CYFIP1: variants seen among roughly 807,000 people sequenced by gnomAD.
CYFIP1 encodes cytoplasmic FMR1 interacting protein 1, also known as cytoplasmic FMR1-interacting protein 1.
In CYFIP1, 58 loss-of-function variants were observed where a neutral mutation model predicts 163.5. The ratio of observed to expected loss-of-function variants is 0.35; its 90% confidence interval spans 0.29 to 0.44. CYFIP1 has a LOEUF of 0.44. Among genes scored for constraint, CYFIP1 ranks in the 20% least tolerant of loss-of-function variants. The pLI is 1.00. For synonymous variants in CYFIP1, 663 were observed against 660.7 expected, an observed-to-expected ratio of 1.00 and a Z score of -0.05; for missense variants, 1,338 against 1,653.8, an observed-to-expected ratio of 0.81 and a Z score of 3.31.
At chr15:22,881,420 C>T (rs765556687) in intron 25 of CYFIP1, among the ~76,000 whole-genome samples, 49 of 152,294 alleles carry the variant, frequency 3.2e-4, no homozygotes, top group South Asian at 6.2e-4. Flanking sequence ...GTGGGCCTGT[C>T]CCTAAGAGCA....
At chr15:22,952,608 T>G (rs1249057716) in intron 1 of CYFIP1, among the ~76,000 whole-genome samples, 6 of 121,532 alleles carry the variant, frequency 4.9e-5, no homozygotes, top group South Asian at 5.6e-4. Context: ...TGAGCTGAGA[T>G]CGCACCACTG....
intron 22 of CYFIP1, among the ~76,000 whole-genome samples, chr15:22,894,922 C>T (rs1310729252): frequency 7.1e-6 from 1 of 141,512 alleles, no homozygotes; most frequent in African/African-American, 2.6e-5. Flanking sequence ...GTGGTGTGAT[C>T]TTGACTAACT....
At chr15:22,935,135 A>G (rs1403836346) in intron 9 of CYFIP1, among the ~76,000 whole-genome samples, 6 of 152,216 alleles carry the variant, frequency 3.9e-5, no homozygotes, top group African/African-American at 1.2e-4. Context: ...CCAAAGGTGA[A>G]GGGATGATAT....
rs111338586 is a variant in CYFIP1, at chr15:22,869,798, C to T, written c.*230G>A. On this transcript the variant is annotated 3_prime_UTR_variant, in exon 31 of 31. Coordinates refer to ENST00000617928, the MANE Select transcript of CYFIP1 (RefSeq NM_014608.6). The stretch of plus-strand genomic sequence containing the variant: ...CCATAGAAAAACAATTTTGTAGGAA[C>T]GTGATGGCAACAATCAGCAGCCAAT... 6.8e-3 allele frequency: 2,562 copies of T among 376,598 alleles called. 59 individuals are homozygous for T. The highest frequency in any genetic ancestry group is 0.048 in the African/African-American group (2,295 of 47,624). 23.3% of individuals were successfully genotyped at this position (376,598 alleles called of 1,614,324 possible). A position where few individuals can be genotyped will look rare whatever the true frequency, so the allele number is the denominator to read the frequency against.
intron 13 of CYFIP1, among the ~76,000 whole-genome samples, chr15:22,920,362 T>C (rs1952450411): frequency 1.3e-5 from 2 of 152,070 alleles, no homozygotes; most frequent in South Asian, 4.2e-4. Context: ...AATCTGTTGG[T>C]TTGAAGTTCA....
chr15:22,942,564 G>C (rs1210512196), intron 6 of CYFIP1, among the ~76,000 whole-genome samples: 1 of 152,122 alleles, frequency 6.6e-6, no homozygotes, highest in Non-Finnish European at 1.5e-5. Flanking sequence ...CACACACTGG[G>C]CCATGCCTGC....
intron 26 of CYFIP1, among the ~76,000 whole-genome samples, chr15:22,878,374 GAGAC>G (rs1229207326): frequency 1.1e-4 from 16 of 152,150 alleles, no homozygotes; most frequent in African/African-American, 3.9e-4. Context: ...AGAAAGCCAG[GAGAC>G]AGGCCGGTGT....
intron 23 of CYFIP1, among the ~76,000 whole-genome samples, chr15:22,891,801 T>C (rs183398367): frequency 6.6e-6 from 1 of 152,326 alleles, no homozygotes; most frequent in East Asian, 1.9e-4. Context: ...AAGATCTCGC[T>C]CTGAAGAACA....
intron 10 of CYFIP1, among the ~76,000 whole-genome samples, chr15:22,932,841 T>C (rs1159830373): frequency 6.6e-6 from 1 of 152,158 alleles, no homozygotes; most frequent in Non-Finnish European, 1.5e-5. Flanking sequence ...CTCTTCTTTT[T>C]TTCTTTGAGG....
At chr15:22,944,256 A>AC in intron 5 of CYFIP1, among the ~76,000 whole-genome samples, 1 of 151,724 alleles carries the variant, frequency 6.6e-6, no homozygotes, top group East Asian at 1.9e-4. Flanking sequence ...AAAAAAAAAA[A>AC]AAAAAGTACA....
At chr15:22,963,165 C>T (rs1477874659) in intron 1 of CYFIP1, among the ~76,000 whole-genome samples, 1 of 152,122 alleles carries the variant, frequency 6.6e-6, no homozygotes, top group Non-Finnish European at 1.5e-5. Flanking sequence ...GTTCTTTGTC[C>T]TATTTTTATT....
intron 1 of CYFIP1, among the ~76,000 whole-genome samples, chr15:22,960,737 G>C (rs2062649105): frequency 6.6e-6 from 1 of 152,240 alleles, no homozygotes; most frequent in Non-Finnish European, 1.5e-5. Context: ...CTCCTGCTTA[G>C]GCATGAGACA....
intron 17 of CYFIP1, among the ~76,000 whole-genome samples, chr15:22,914,201 G>A (rs961139642): frequency 5.3e-5 from 8 of 152,006 alleles, no homozygotes; most frequent in African/African-American, 7.3e-5. Context: ...GGCAGCTCAC[G>A]GGCATGGCCA....
chr15:22,921,473 T>C (rs1369391047), intron 13 of CYFIP1, among the ~76,000 whole-genome samples: 1 of 151,542 alleles, frequency 6.6e-6, no homozygotes, highest in Admixed American at 6.6e-5. Context: ...GTTCAGTAAA[T>C]AAACAGTAAA....
chr15:22,886,277 C>T (rs1452571016), intron 23 of CYFIP1, among the ~76,000 whole-genome samples: 2 of 152,128 alleles, frequency 1.3e-5, no homozygotes, highest in Admixed American at 1.3e-4. Flanking sequence ...AGAGCCAAAA[C>T]ATATCAAGGT....
At chr15:22,953,925 G>C (rs1008944072) in intron 1 of CYFIP1, among the ~76,000 whole-genome samples, 2 of 152,200 alleles carry the variant, frequency 1.3e-5, no homozygotes, top group South Asian at 4.2e-4. Flanking sequence ...GCGTGGTGGC[G>C]GGCGCCTGTA....
In CYFIP1 at chr15:22,867,540, TCA is replaced by T. The variant is rs1491451586; in HGVS notation, c.*2486_*2487del. The T allele has an allele frequency of 4.3e-6, 1 of 232,582 alleles. No individual in the cohort carries two copies. The highest frequency in any genetic ancestry group is 5.6e-5 in the Admixed American group (1 of 17,768). The allele number at this position is 232,582 out of a possible 1,614,324, so 14.4% of individuals were successfully genotyped here. Reference sequence around the variant, plus strand: ...GTTGCAGCCTGGCTGGGTTTATTCTTCAGTTACCCTAATCCCATGATGCCTGG... The same window carrying T: ...GTTGCAGCCTGGCTGGGTTTATTCTTGTTACCCTAATCCCATGATGCCTGG... On this transcript the variant is annotated 3_prime_UTR_variant, in exon 31 of 31. Coordinates refer to ENST00000617928, the MANE Select transcript of CYFIP1 (RefSeq NM_014608.6).
At chr15:22,955,892 C>CCTGATTCA (rs35107668) in intron 1 of CYFIP1, among the ~76,000 whole-genome samples, 1 of 151,750 alleles carries the variant, frequency 6.6e-6, no homozygotes. Flanking sequence ...TGCTTCAAAA[C>CCTGATTCA]AAAGAACAGT....
In CYFIP1 at chr15:22,961,994, A is replaced by C. The variant is rs74830095; in HGVS notation, c.-6-14703T>G. 5.6e-3 allele frequency among the ~76,000 whole-genome samples: 858 copies of C among 152,284 alleles called. 7 individuals carry two copies. Among genetic ancestry groups the C allele is most frequent in the African/African-American group, 0.016 (670 of 41,556 alleles). ...GAAGTCTGCCAGCCCAGGCCCAGGG[A>C]AGGAAGCAGTTTCTAATCATAGCCC... On this transcript the variant is annotated intron_variant, in intron 1 of 30. Coordinates refer to ENST00000617928, the MANE Select transcript of CYFIP1 (RefSeq NM_014608.6).
Sources: gnomAD v4.1 joint callset for allele counts (sites outside exome capture counted in the v4.1 genomes callset) on GRCh38, gnomAD v4.1.1 for gene constraint, MANE v1.5 for transcripts, NCBI Gene and HGNC (gene_info 2026-07-23, HGNC 2026-07-21) for gene names.